Variants in VEZT observed in about 807,000 individuals in gnomAD.
VEZT encodes vezatin, adherens junctions transmembrane protein.
A neutral mutation model predicts 79.9 loss-of-function variants in VEZT; 39 were observed. That is an observed-to-expected ratio of 0.49 (90% CI 0.38 to 0.64). VEZT has a LOEUF of 0.64. Among genes scored for constraint, VEZT ranks in the 30% least tolerant of loss-of-function variants. The pLI is 0.00. For missense variants in VEZT, 837 were observed against 893.1 expected (o/e 0.94, Z 0.80); for synonymous variants, 325 against 327.6 (o/e 0.99, Z 0.09).
intron 2 of VEZT, among the ~76,000 whole-genome samples, chr12:95,254,370 G>A (rs1465767308): frequency 1.7e-4 from 22 of 127,194 alleles, no homozygotes; most frequent in Non-Finnish European, 3.4e-4. Flanking sequence ...TTTTTGAGAC[G>A]GAGTCTCACT....
rs1294131611 is a variant in VEZT, at chr12:95,301,938, T to A, written c.*1265T>A. Reference sequence around the variant, plus strand: ...TTTTAACCTGAGAAAAAAACTTGGTTCTGCTTTATATAAACAGTAGAGATT... The same window carrying A: ...TTTTAACCTGAGAAAAAAACTTGGTACTGCTTTATATAAACAGTAGAGATT... On this transcript the variant is annotated 3_prime_UTR_variant, in exon 12 of 12. Transcript: ENST00000436874. 1 of 152,204 alleles carries A rather than the reference T, an allele frequency of 6.6e-6. No individual in the cohort carries two copies. Among genetic ancestry groups the A allele is most frequent in the Non-Finnish European group, 1.5e-5 (1 of 68,028 alleles). The allele number at this position is 152,204 out of a possible 1,614,324, so 9.4% of individuals were successfully genotyped here. A position where few individuals can be genotyped will look rare whatever the true frequency, so the allele number is the denominator to read the frequency against.
Position 95,262,775 on chromosome 12 carries a change from G to A in VEZT, c.259-131G>A, listed in dbSNP as rs539790998. 775 of 754,818 alleles carry A rather than the reference G, an allele frequency of 1.0e-3. 18 individuals are homozygous for A. The South Asian group carries it at 0.03, about 29-fold the overall frequency. 46.8% of individuals were successfully genotyped at this position (754,818 alleles called of 1,614,324 possible). ...CAGCTATCATACTGAAGGTAGATTG[G>A]ACTGTTGTTTCTTCTTGAAGTATCT... On this transcript the variant is annotated intron_variant, in intron 3 of 11. Coordinates refer to ENST00000436874, the MANE Select transcript of VEZT (RefSeq NM_017599.4).
chr12:95,279,235 GCATTT>G (rs2068462270), intron 7 of VEZT, among the ~76,000 whole-genome samples: 1 of 152,132 alleles, frequency 6.6e-6, no homozygotes, highest in African/African-American at 2.4e-5. Context: ...GTTCCAGTGA[GCATTT>G]CCTTTGACTG....
chr12:95,222,124 T>C (rs1039480089), intron 1 of VEZT, among the ~76,000 whole-genome samples: 2 of 152,256 alleles, frequency 1.3e-5, no homozygotes, highest in African/African-American at 4.8e-5. Flanking sequence ...TTGGGCTATA[T>C]GTGGCCTCTG....
At chr12:95,224,594 C>CACTT (rs1260190243) in intron 1 of VEZT, among the ~76,000 whole-genome samples, 1 of 152,150 alleles carries the variant, frequency 6.6e-6, no homozygotes, top group African/African-American at 2.4e-5. Flanking sequence ...CCCCTATTAC[C>CACTT]ACTTTCATTC....
Position 95,285,982 on chromosome 12 carries a change from CTTTT to C in VEZT, c.1329-1659_1329-1656del, listed in dbSNP as rs869030351. Among the ~76,000 whole-genome samples, 7 of 85,854 alleles carry C rather than the reference CTTTT, an allele frequency of 8.2e-5. No individual in the cohort carries two copies. In the East Asian group the frequency reaches 2.5e-3, roughly 31 times the overall value. 56.3% of individuals were successfully genotyped at this position (85,854 alleles called of 152,430 possible). A position where few individuals can be genotyped will look rare whatever the true frequency, so the allele number is the denominator to read the frequency against. On this transcript the variant is annotated intron_variant, in intron 8 of 11. Transcript: ENST00000436874. ...ACCAAGACGCTCCCCCCGACCCCTT[CTTTT>C]TTTTTTTTTTTTTTTTTTTTTTGAG...
At chr12:95,272,015 C>A (rs892847725) in intron 6 of VEZT, among the ~76,000 whole-genome samples, 1 of 151,800 alleles carries the variant, frequency 6.6e-6, no homozygotes, top group Non-Finnish European at 1.5e-5. Context: ...AAAAAAAATT[C>A]TTTTAAATTA....
At chr12:95,264,572 G>A (rs1473162557) in intron 4 of VEZT, among the ~76,000 whole-genome samples, 1 of 151,908 alleles carries the variant, frequency 6.6e-6, no homozygotes, top group African/African-American at 2.4e-5. Context: ...AAATACCTGG[G>A]ACTATAGGAG....
rs918477412 is a variant in VEZT, at chr12:95,294,165, G to A, written c.1523-107G>A. 3 of 854,714 alleles carry A rather than the reference G, an allele frequency of 3.5e-6. No individual in the cohort carries two copies. The East Asian group carries it at 8.5e-5, about 24-fold the overall frequency. 52.9% of individuals were successfully genotyped at this position (854,714 alleles called of 1,614,324 possible). A position where few individuals can be genotyped will look rare whatever the true frequency, so the allele number is the denominator to read the frequency against. ...GCCTCCCGAAGTGCTGGGATTACAG[G>A]CATGAGCCACCACACCTGGCCCCAA... On this transcript the variant is annotated intron_variant, in intron 9 of 11. Transcript: ENST00000436874.
intron 1 of VEZT, among the ~76,000 whole-genome samples, chr12:95,226,398 A>ATTT (rs11309270): frequency 4.8e-4 from 71 of 148,036 alleles, no homozygotes; most frequent in Non-Finnish European, 7.8e-4. Context: ...TTTAACTGTG[A>ATTT]TTTTTTTTTT....
chr12:95,255,823 G>A (rs186223435), intron 2 of VEZT, among the ~76,000 whole-genome samples: 23 of 152,044 alleles, frequency 1.5e-4, no homozygotes, highest in East Asian at 7.7e-4. Context: ...TTATTGTTTC[G>A]CTTCCTTGCA....
At chr12:95,270,429 C>G (rs2066369769) in intron 6 of VEZT, among the ~76,000 whole-genome samples, 2 of 152,206 alleles carry the variant, frequency 1.3e-5, no homozygotes, top group Admixed American at 6.5e-5. Flanking sequence ...CTTGAAGTCT[C>G]TTCCTTTACT....
chr12:95,225,794 G>A (rs6538619), intron 1 of VEZT, among the ~76,000 whole-genome samples: 5,459 of 48,140 alleles, frequency 0.11, 232 homozygotes, highest in East Asian at 0.14. Context: ...AAAAAAAAAA[G>A]AGAGAGAAGG....
intron 1 of VEZT, among the ~76,000 whole-genome samples, chr12:95,234,284 C>CTTT (rs10587022): frequency 3.3e-5 from 4 of 122,952 alleles, no homozygotes; most frequent in Non-Finnish European, 5.1e-5. Flanking sequence ...TATCAATAAT[C>CTTT]TTTTTTTTTT....
intron 1 of VEZT, among the ~76,000 whole-genome samples, chr12:95,234,211 T>C (rs1376654356): frequency 6.6e-6 from 1 of 152,170 alleles, no homozygotes; most frequent in East Asian, 1.9e-4. Flanking sequence ...AAAAATATTA[T>C]TACTGGTTTA....
At chr12:95,225,411 G>T (rs1344756136) in intron 1 of VEZT, among the ~76,000 whole-genome samples, 2 of 152,024 alleles carry the variant, frequency 1.3e-5, no homozygotes, top group Non-Finnish European at 2.9e-5. Flanking sequence ...AAAGAAATTA[G>T]CCGGGCTTGG....
At chr12:95,299,775 C>T (rs2074936734) in intron 11 of VEZT, 2 of 154,056 alleles carry the variant, frequency 1.3e-5, no homozygotes, top group Non-Finnish European at 1.4e-5. Flanking sequence ...TAAAATATAG[C>T]TGGTCCCTAC....
intron 1 of VEZT, among the ~76,000 whole-genome samples, chr12:95,227,287 AGTAGCTGGGACTACAG>A (rs2058624951): frequency 6.6e-6 from 1 of 151,398 alleles, no homozygotes; most frequent in African/African-American, 2.4e-5. Flanking sequence ...CAGCCTCCCA[AGTAGCTGGGACTACAG>A]GCATGTGCCA....
In VEZT at chr12:95,296,101, G is replaced by A; in HGVS notation, c.1674G>A (p.Lys558=). The A allele has an allele frequency of 6.4e-7, 1 of 1,559,820 alleles. No individual in the cohort carries two copies. The highest frequency in any genetic ancestry group is 8.7e-7 in the Non-Finnish European group (1 of 1,150,644). The change falls in exon 11 of 12, where the codon AAG becomes AAA. Residue 558 remains lysine (K), a synonymous_variant. Coordinates refer to ENST00000436874, the MANE Select transcript of VEZT (RefSeq NM_017599.4). ...TAGATATTGATAGTGATTTCAGAAA[G>A]GATGATTTTTATTACTTGTCTCAAG... is the stretch of plus-strand genomic sequence containing the variant. The part of the protein sequence containing the change: ...DDIDIDSDFR[K]DDFYYLSQED...
Sources: gnomAD v4.1 joint callset for allele counts (sites outside exome capture counted in the v4.1 genomes callset) on GRCh38, gnomAD v4.1.1 for gene constraint, MANE v1.5 for transcripts, NCBI Gene and HGNC (gene_info 2026-07-23, HGNC 2026-07-21) for gene names.